The following OSBPL10 variants were observed in gnomAD, a reference collection of about 807,000 sequenced individuals.
OSBPL10 encodes oxysterol binding protein like 10.
A neutral mutation model predicts 81.7 loss-of-function variants in OSBPL10; 49 were observed. That is an observed-to-expected ratio of 0.60 (90% confidence interval 0.48 to 0.76). The LOEUF is 0.76. Ranked by LOEUF, OSBPL10 falls within the 30% of genes least tolerant of loss-of-function variation. The pLI is 0.00. For missense variants in OSBPL10, 923 were observed against 987.8 expected (o/e 0.93, Z 0.88); for synonymous variants, 419 against 383.6 (o/e 1.09, Z -1.08).
At chr3:31,812,712 C>CAAAA (rs563030191) in intron 4 of OSBPL10, among the ~76,000 whole-genome samples, 1,008 of 34,096 alleles carry the variant, frequency 0.03, 307 homozygotes, top group East Asian at 0.05. Flanking sequence ...ACACAGTAGG[C>CAAAA]AAAAAAAAAG....
intron 3 of OSBPL10, among the ~76,000 whole-genome samples, chr3:31,860,918 C>G: frequency 6.7e-6 from 1 of 149,422 alleles, no homozygotes; most frequent in African/African-American, 2.5e-5. Flanking sequence ...ATCATGTTGG[C>G]CAGGCTGGTC....
chr3:31,989,286 C>T, intron 2 of OSBPL10: 1 of 1,614,146 alleles, frequency 6.2e-7, no homozygotes, highest in South Asian at 1.1e-5. Context: ...CTTCCAAATG[C>T]ATGATGAAGA....
intron 4 of OSBPL10, among the ~76,000 whole-genome samples, chr3:31,829,286 G>A (rs1307193997): frequency 6.6e-6 from 1 of 152,206 alleles, no homozygotes; most frequent in Non-Finnish European, 1.5e-5. Flanking sequence ...TCATTTATTT[G>A]AGAGTCTGTT....
At chr3:31,760,630 G>A (rs768254271) in intron 4 of OSBPL10, among the ~76,000 whole-genome samples, 2 of 152,096 alleles carry the variant, frequency 1.3e-5, no homozygotes, top group Non-Finnish European at 2.9e-5. Context: ...TCCTTAGTTG[G>A]TTGAATCTAG....
chr3:31,865,420 G>T (rs190003630), intron 3 of OSBPL10, among the ~76,000 whole-genome samples: 4 of 152,284 alleles, frequency 2.6e-5, no homozygotes, highest in African/African-American at 9.6e-5. Context: ...TTTAAAACCT[G>T]TATTTTCTTA....
intron 1 of OSBPL10, among the ~76,000 whole-genome samples, chr3:31,954,139 G>A (rs536537757): frequency 1.4e-4 from 22 of 152,284 alleles, no homozygotes; most frequent in Middle Eastern, 3.4e-3. Context: ...TGAGGTGCCC[G>A]TGCATTGGCC....
chr3:31,743,672 A>AG (rs34749962), intron 5 of OSBPL10, among the ~76,000 whole-genome samples: 37,765 of 152,136 alleles, frequency 0.25, 5,677 homozygotes, highest in Middle Eastern at 0.35. Context: ...GGAAAAAAAA[A>AG]CAGTGCAAGG....
intron 2 of OSBPL10, among the ~76,000 whole-genome samples, chr3:32,043,046 C>T (rs193238101): frequency 5.9e-5 from 9 of 152,150 alleles, no homozygotes; most frequent in East Asian, 5.8e-4. Context: ...TTTACTGGGG[C>T]GGGTTTTTTC....
chr3:31,753,279 G>A (rs1296599158), intron 4 of OSBPL10, among the ~76,000 whole-genome samples: 2 of 150,070 alleles, frequency 1.3e-5, no homozygotes, highest in African/African-American at 4.9e-5. Flanking sequence ...CTTCCGCCTC[G>A]CCTCCTGGGT....
rs1440054203 is a variant in OSBPL10, at chr3:32,021,979, G to A, written n.298+24512C>T. ...TGGGCAACAGGAGATAATCTGTCTC[G>A]AAAAAAAAAAAAGTAAAACAAAATA... On this transcript the variant is annotated intron_variant and non_coding_transcript_variant, in intron 2 of 3. Coordinates refer to the OSBPL10 transcript ENST00000479173. Among the ~76,000 whole-genome samples the A allele has an allele frequency of 9.6e-5, 14 of 145,404 alleles. 1 individual carries two copies. Among genetic ancestry groups the A allele is most frequent in the Admixed American group, 1.4e-4 (2 of 14,576 alleles).
chr3:31,963,538 C>T (rs1698228407), intron 1 of OSBPL10, among the ~76,000 whole-genome samples: 1 of 152,112 alleles, frequency 6.6e-6, no homozygotes, highest in African/African-American at 2.4e-5. Flanking sequence ...ACTCTTCAAA[C>T]ACCAAATGGA....
chr3:31,842,532 AAAGCTCCTACTATGGCTT>A (rs1415217713), intron 3 of OSBPL10, among the ~76,000 whole-genome samples: 1 of 152,200 alleles, frequency 6.6e-6, no homozygotes, highest in Non-Finnish European at 1.5e-5. Context: ...ATAAAACACA[AAAGCTCCTACTATGGCTT>A]CTGACCCAGC....
At chr3:31,711,598 C>T (rs1257031693) in intron 6 of OSBPL10, among the ~76,000 whole-genome samples, 1 of 152,174 alleles carries the variant, frequency 6.6e-6, no homozygotes, top group Non-Finnish European at 1.5e-5. Flanking sequence ...CTAGATTTAA[C>T]AGGACAGCCA....
At chr3:31,682,225 G>A (rs1700667593) in intron 8 of OSBPL10, among the ~76,000 whole-genome samples, 1 of 152,096 alleles carries the variant, frequency 6.6e-6, no homozygotes, top group Non-Finnish European at 1.5e-5. Flanking sequence ...CCCCCGCCCA[G>A]GGTCTGTTTT....
At chr3:32,067,956 G>C (rs1403207255) in intron 1 of OSBPL10, among the ~76,000 whole-genome samples, 2 of 152,136 alleles carry the variant, frequency 1.3e-5, no homozygotes, top group African/African-American at 4.8e-5. Context: ...GGGTCAGAGG[G>C]ACTGCTTCAA....
At position 31,796,844 on chromosome 3, in the gene OSBPL10, A is replaced by G. The variant is rs369002521; in HGVS notation, c.729+33196T>C. On this transcript the variant is annotated intron_variant, in intron 4 of 11. Coordinates refer to ENST00000396556, the MANE Select transcript of OSBPL10 (RefSeq NM_017784.5). ...TCCCCACACAGGAAGTGTCAACTTC[A>G]TTCAGGATCTTTCAAGCAGTAATAG... Among the ~76,000 whole-genome samples, 546 of 152,238 alleles carry G rather than the reference A, an allele frequency of 3.6e-3. 7 individuals are homozygous for G. Among genetic ancestry groups the G allele is most frequent in the African/African-American group, 0.011 (472 of 41,548 alleles).
chr3:32,011,636 C>A (rs1039975445), intron 2 of OSBPL10, among the ~76,000 whole-genome samples: 1 of 152,198 alleles, frequency 6.6e-6, no homozygotes, highest in Non-Finnish European at 1.5e-5. Flanking sequence ...GACGATCAAA[C>A]TTCTCTGAGC....
At chr3:31,868,631 C>T (rs1005838804) in intron 3 of OSBPL10, among the ~76,000 whole-genome samples, 2 of 151,990 alleles carry the variant, frequency 1.3e-5, no homozygotes, top group African/African-American at 4.8e-5. Context: ...ATCCACTTTC[C>T]ATGTCCAGAA....
At chr3:31,666,523 G>T (rs1457433593) in intron 10 of OSBPL10, among the ~76,000 whole-genome samples, 1 of 152,150 alleles carries the variant, frequency 6.6e-6, no homozygotes, top group Admixed American at 6.5e-5. Context: ...GAACACAGGT[G>T]CTCTGAGCAG....
Sources: gnomAD v4.1 joint callset for allele counts (sites outside exome capture counted in the v4.1 genomes callset) on GRCh38, gnomAD v4.1.1 for gene constraint, MANE v1.5 for transcripts, NCBI Gene and HGNC (gene_info 2026-07-23, HGNC 2026-07-21) for gene names.